Variants in BLM observed in about 807,000 individuals in gnomAD.
BLM encodes the protein recQ-like DNA helicase BLM.
BLM carries 95 observed loss-of-function variants against 135.3 expected under a neutral mutation model. That is an observed-to-expected ratio of 0.70 (90% CI 0.59 to 0.83). The LOEUF is 0.83. Among genes scored for constraint, BLM ranks in the 40% least tolerant of loss-of-function variants. The probability of loss-of-function intolerance (pLI) is 0.00; values close to 1 mark genes in which losing one functional copy is unlikely to be tolerated. For missense variants in BLM, 1,518 were observed against 1,663.9 expected, an observed-to-expected ratio of 0.91 and a Z score of 1.53; for synonymous variants, 520 against 589.2, an observed-to-expected ratio of 0.88 and a Z score of 1.70.
rs777647725 is a variant in BLM, at chr15:90,761,144, C to G, written c.1771C>G (p.Arg591Gly). The G allele has an allele frequency of 1.3e-6, 2 of 1,532,140 alleles. No individual in the cohort carries two copies. The highest frequency in any genetic ancestry group is 1.7e-6 in the Non-Finnish European group (2 of 1,144,768). 94.9% of individuals were successfully genotyped at this position (1,532,140 alleles called of 1,614,324 possible). The change falls in exon 7 of 22, where the codon CGG becomes GGG. Residue 591 changes from arginine (R) to glycine (G), a missense_variant. Coordinates refer to ENST00000355112, the MANE Select transcript of BLM (RefSeq NM_000057.4). ...TAAYQPIKEG[R>G]PIKSVSERLS... is the part of the protein sequence containing the mutation. Reference sequence around the variant, plus strand: ...TGCCTATCAACCCATCAAGGAAGGTCGGCCAATTAAATCAGTATCAGAAAG... The same window carrying G: ...TGCCTATCAACCCATCAAGGAAGGTGGGCCAATTAAATCAGTATCAGAAAG...
intron 2 of BLM, among the ~76,000 whole-genome samples, chr15:90,748,574 G>C (rs1253019938): frequency 1.3e-5 from 2 of 151,930 alleles, no homozygotes; most frequent in Non-Finnish European, 2.9e-5. Flanking sequence ...ACTTTGTTCT[G>C]GGTGCCTGGC....
intron 19 of BLM, among the ~76,000 whole-genome samples, chr15:90,808,459 T>C (rs978784165): frequency 3.3e-5 from 5 of 152,206 alleles, no homozygotes; most frequent in African/African-American, 1.2e-4. Flanking sequence ...TCCAGTTCAC[T>C]CCATCCTCAC....
chr15:90,813,349 A>G (rs1170196400), intron 21 of BLM, among the ~76,000 whole-genome samples: 1 of 152,130 alleles, frequency 6.6e-6, no homozygotes, highest in East Asian at 1.9e-4. Context: ...ACTTGTACCC[A>G]TTTCCATGCT....
At chr15:90,755,066 T>C (rs1332244579) in intron 5 of BLM, 128 bp downstream of exon 5, 22 of 1,187,350 alleles carry the variant, frequency 1.9e-5, no homozygotes, top group Non-Finnish European at 2.5e-5. Context: ...TTTCTTTTCT[T>C]CTAATGTCAT....
intron 2 of BLM, among the ~76,000 whole-genome samples, chr15:90,748,543 G>A (rs1895572391): frequency 6.6e-6 from 1 of 152,114 alleles, no homozygotes; most frequent in South Asian, 2.1e-4. Flanking sequence ...TATTATAAGT[G>A]ATGCTTTTAC....
chr15:90,718,429 G>A (rs1894666914), intron 1 of BLM, among the ~76,000 whole-genome samples: 2 of 152,186 alleles, frequency 1.3e-5, no homozygotes, highest in Admixed American at 1.3e-4. Flanking sequence ...GCAGGTGACT[G>A]ACAGCTCCTT....
At chr15:90,750,137 T>C (rs550642398) in intron 3 of BLM, 70 bp downstream of exon 3, 1 of 1,485,994 alleles carries the variant, frequency 6.7e-7, no homozygotes, top group South Asian at 1.2e-5. Context: ...CCATTGGGAA[T>C]AGTCATGAAT....
chr15:90,730,232 T>C (rs1404351509), intron 1 of BLM, among the ~76,000 whole-genome samples: 2 of 152,198 alleles, frequency 1.3e-5, no homozygotes, highest in African/African-American at 2.4e-5. Flanking sequence ...ATATTAATGA[T>C]TTTACATCTT....
intron 2 of BLM, among the ~76,000 whole-genome samples, chr15:90,748,915 GC>G (rs2151146326): frequency 6.6e-6 from 1 of 151,924 alleles, no homozygotes; most frequent in East Asian, 1.9e-4. Context: ...ACACCACTAT[GC>G]CCGGCTAATT....
intron 1 of BLM, among the ~76,000 whole-genome samples, chr15:90,724,989 A>C (rs1894871751): frequency 6.6e-6 from 1 of 152,038 alleles, no homozygotes; most frequent in Non-Finnish European, 1.5e-5. Flanking sequence ...GCTCACTGCA[A>C]CCTCTACCAG....
chr15:90,804,997 C>T (rs1213933879), intron 19 of BLM, among the ~76,000 whole-genome samples: 1 of 152,030 alleles, frequency 6.6e-6, no homozygotes, highest in Non-Finnish European at 1.5e-5. Flanking sequence ...CCACCACGCC[C>T]GGCTAATTGT....
chr15:90,719,853 AGGG>A (rs1223189822), intron 1 of BLM, among the ~76,000 whole-genome samples: 1 of 152,200 alleles, frequency 6.6e-6, no homozygotes, highest in African/African-American at 2.4e-5. Flanking sequence ...AAAGCCCCTA[AGGG>A]TCTCCACTAC....
chr15:90,764,533 G>C (rs1263489175), intron 8 of BLM, among the ~76,000 whole-genome samples: 3 of 151,790 alleles, frequency 2.0e-5, no homozygotes, highest in Non-Finnish European at 4.4e-5. Flanking sequence ...ATTTTTTGTA[G>C]AGATGGGATC....
At chr15:90,737,472 A>C (rs2151137603) in intron 1 of BLM, among the ~76,000 whole-genome samples, 1 of 152,316 alleles carries the variant, frequency 6.6e-6, no homozygotes, top group Non-Finnish European at 1.5e-5. Context: ...TGTTTGAGGA[A>C]ATGGTGATTC....
At position 90,763,017 on chromosome 15, in the gene BLM, A is replaced by T. The variant is rs377563699; in HGVS notation, c.1934A>T (p.Gln645Leu). The change falls in exon 8 of 22, where the codon CAA (glutamine) becomes CTA (leucine). Residue 645 changes from glutamine to leucine, a missense_variant. Transcript: ENST00000355112. ...AGAAATCTGAAACATGAGCGTTTCC[A>T]AAGTCTTAGTTTTCCTCATACAAAG... is the stretch of plus-strand genomic sequence containing the variant. ...ASRNLKHERF[Q>L]SLSFPHTKEM... 2.5e-6 allele frequency: 4 copies of T among 1,613,488 alleles called. No homozygotes were observed. In the African/African-American group the frequency reaches 5.3e-5, roughly 22 times the overall value.
At chr15:90,763,294 G>A in intron 8 of BLM, 137 bp downstream of exon 8, 1 of 882,952 alleles carries the variant, frequency 1.1e-6, no homozygotes, top group East Asian at 2.5e-5. Flanking sequence ...ACCATAGTGA[G>A]AAAGCATATT....
At chr15:90,807,413 T>C (rs551638946) in intron 19 of BLM, among the ~76,000 whole-genome samples, 1 of 152,260 alleles carries the variant, frequency 6.6e-6, no homozygotes, top group African/African-American at 2.4e-5. Context: ...TTTGTTTTGT[T>C]TTTTTGGAGA....
At chr15:90,809,365 CACACT>C in intron 20 of BLM, 106 bp downstream of exon 20, 1 of 1,561,574 alleles carries the variant, frequency 6.4e-7, no homozygotes, top group Non-Finnish European at 8.8e-7. Flanking sequence ...TACACCTCGT[CACACT>C]GACATCCAAG....
intron 21 of BLM, among the ~76,000 whole-genome samples, chr15:90,813,827 A>G (rs1344917662): frequency 6.6e-6 from 1 of 152,140 alleles, no homozygotes; most frequent in Non-Finnish European, 1.5e-5. Context: ...GTCCCTGTGC[A>G]GTGAAAGAAT....
Sources: gnomAD v4.1 joint callset for allele counts (sites outside exome capture counted in the v4.1 genomes callset) on GRCh38, gnomAD v4.1.1 for gene constraint, MANE v1.5 for transcripts, NCBI Gene and HGNC (gene_info 2026-07-23, HGNC 2026-07-21) for gene names.